AP3B1: variants seen among roughly 807,000 people sequenced by gnomAD.
AP3B1 encodes the protein AP-3 complex subunit beta-1.
In AP3B1, 61 loss-of-function variants were observed where a neutral mutation model predicts 132.5. That is an observed-to-expected ratio of 0.46 (90% CI 0.37 to 0.57). AP3B1 has a LOEUF of 0.57. Among genes scored for constraint, AP3B1 ranks in the 20% least tolerant of loss-of-function variants. AP3B1 has a pLI of 0.00. For missense variants in AP3B1, 1,120 were observed against 1,289.4 expected (o/e 0.87, Z 2.01); for synonymous variants, 388 against 438.3 (o/e 0.89, Z 1.43).
chr5:78,038,441 T>C (rs1187208402), intron 23 of AP3B1, among the ~76,000 whole-genome samples: 1 of 152,164 alleles, frequency 6.6e-6, no homozygotes, highest in African/African-American at 2.4e-5. Context: ...ACCCTAATGA[T>C]AGCTGATGAG....
At chr5:78,240,131 G>A (rs1389720002) in intron 3 of AP3B1, among the ~76,000 whole-genome samples, 1 of 152,108 alleles carries the variant, frequency 6.6e-6, no homozygotes, top group African/African-American at 2.4e-5. Flanking sequence ...CATGTTCCCT[G>A]GATTAGAATG....
intron 26 of AP3B1, among the ~76,000 whole-genome samples, chr5:78,013,449 C>G (rs1746705503): frequency 6.6e-6 from 1 of 152,114 alleles, no homozygotes; most frequent in South Asian, 2.1e-4. Flanking sequence ...CAAAACAAAA[C>G]TAAACTAGAT....
intron 25 of AP3B1, among the ~76,000 whole-genome samples, chr5:78,016,921 T>C (rs1222807939): frequency 2.6e-5 from 4 of 152,122 alleles, no homozygotes; most frequent in African/African-American, 9.7e-5. Context: ...ATTTAGGATT[T>C]AAACCTTCTC....
At chr5:78,189,833 G>A (rs968360255) in intron 7 of AP3B1, among the ~76,000 whole-genome samples, 2 of 149,506 alleles carry the variant, frequency 1.3e-5, no homozygotes. Context: ...TCACGCCACT[G>A]CACTCCAGAC....
chr5:78,140,657 T>G (rs567691790), intron 15 of AP3B1, among the ~76,000 whole-genome samples: 2 of 152,302 alleles, frequency 1.3e-5, no homozygotes, highest in South Asian at 4.1e-4. Flanking sequence ...ATCACATGGG[T>G]GATCAGGTTT....
At chr5:78,186,588 A>G (rs1744615887) in intron 7 of AP3B1, among the ~76,000 whole-genome samples, 2 of 152,196 alleles carry the variant, frequency 1.3e-5, no homozygotes, top group African/African-American at 4.8e-5. Context: ...CATTGGGGAA[A>G]ATTGAGTAAA....
intron 26 of AP3B1, among the ~76,000 whole-genome samples, chr5:78,012,079 A>G (rs924333067): frequency 7.9e-5 from 12 of 152,122 alleles, no homozygotes; most frequent in African/African-American, 2.9e-4. Flanking sequence ...TACTCTTTAT[A>G]AACTCAAAAA....
At chr5:78,106,079 G>A (rs1751320281) in intron 20 of AP3B1, among the ~76,000 whole-genome samples, 1 of 152,130 alleles carries the variant, frequency 6.6e-6, no homozygotes, top group South Asian at 2.1e-4. Context: ...TGTAGTAAAT[G>A]ATGCAAAAAG....
chr5:78,246,458 G>T (rs1561196725), intron 2 of AP3B1, among the ~76,000 whole-genome samples: 1 of 152,090 alleles, frequency 6.6e-6, no homozygotes, highest in Non-Finnish European at 1.5e-5. Flanking sequence ...CTATATTCTG[G>T]AAGAGCTTAT....
chr5:78,233,136 G>A (rs1201194571), intron 3 of AP3B1, among the ~76,000 whole-genome samples: 1 of 151,876 alleles, frequency 6.6e-6, no homozygotes, highest in African/African-American at 2.4e-5. Context: ...TATATTTATA[G>A]TATTTTTTCT....
At chr5:78,180,931 G>A (rs1363682577) in intron 8 of AP3B1, among the ~76,000 whole-genome samples, 3 of 151,844 alleles carry the variant, frequency 2.0e-5, no homozygotes, top group South Asian at 2.1e-4. Context: ...ACAAAAAGGT[G>A]TCGAACAAAC....
In AP3B1 at chr5:78,141,250, G is replaced by A; in HGVS notation, c.1543C>T (p.Pro515Ser). ...ENCERVPKIAPDVLRKMAKSF... is the reference protein window; with the variant it reads ...ENCERVPKIASDVLRKMAKSF... ...TTAGCCATCTTCCTCAAAACATCAG[G>A]GGCAATTTTAGGAACTCGTTCACAG... The change falls in exon 15 of 27, where the codon CCT (proline) becomes TCT (serine). Residue 515 changes from proline to serine, a missense_variant. Physicochemically the swap from Pro to Ser is moderately conservative, Grantham distance 74 (BLOSUM62 -1). Coordinates refer to ENST00000255194, the MANE Select transcript of AP3B1 (RefSeq NM_003664.5). 6.2e-7 allele frequency: 1 copy of A among 1,613,454 alleles called. No individual in the cohort carries two copies. Among genetic ancestry groups the A allele is most frequent in the Non-Finnish European group, 8.5e-7 (1 of 1,179,688 alleles).
At chr5:78,153,417 C>CT (rs151309501) in intron 14 of AP3B1, among the ~76,000 whole-genome samples, 5,275 of 147,378 alleles carry the variant, frequency 0.036, 293 homozygotes, top group African/African-American at 0.12. Context: ...TTTTCCATCC[C>CT]TTTTTTTTTT....
chr5:78,100,994 G>T lies in AP3B1; in HGVS notation c.2429C>A (p.Thr810Asn). Residue 810 changes from threonine (T) to asparagine (N), a missense_variant, in exon 21 of 27, where the codon ACT becomes AAT. This residue lies in a region of AP3B1 where 906 missense variants were observed against 997.1 expected (regional missense o/e 0.91). Coordinates refer to ENST00000255194, the MANE Select transcript of AP3B1 (RefSeq NM_003664.5). ...EKEKKTKQDRTPLTKDVSLLD... is the reference protein window; with the variant it reads ...EKEKKTKQDRNPLTKDVSLLD... ...AAGTGAAACATCTTTGGTAAGAGGA[G>T]TTCTATCTTGCTTTGTTTTCTTTTC... 1 of 1,550,840 alleles carries T rather than the reference G, an allele frequency of 6.4e-7. No individual in the cohort carries two copies. The highest frequency in any genetic ancestry group is 8.9e-7 in the Non-Finnish European group (1 of 1,126,404).
intron 21 of AP3B1, among the ~76,000 whole-genome samples, chr5:78,090,894 G>A (rs1750480472): frequency 6.6e-6 from 1 of 151,850 alleles, no homozygotes; most frequent in African/African-American, 2.4e-5. Context: ...CTGGGCCCAA[G>A]CAATCTCAGC....
intron 22 of AP3B1, among the ~76,000 whole-genome samples, chr5:78,051,076 G>T (rs183243541): frequency 6.6e-6 from 1 of 152,132 alleles, no homozygotes; most frequent in Non-Finnish European, 1.5e-5. Flanking sequence ...GGAAATCTAT[G>T]TGACTCATGA....
intron 25 of AP3B1, among the ~76,000 whole-genome samples, chr5:78,018,310 CT>C (rs1231825914): frequency 1.3e-5 from 2 of 151,808 alleles, no homozygotes; most frequent in African/African-American, 4.8e-5. Flanking sequence ...ACCACTTTGA[CT>C]ACCAATCTTA....
At chr5:78,271,999 G>C (rs1479554484) in intron 1 of AP3B1, among the ~76,000 whole-genome samples, 1 of 152,154 alleles carries the variant, frequency 6.6e-6, no homozygotes, top group Non-Finnish European at 1.5e-5. Flanking sequence ...TGAGAGTCCA[G>C]CACTTTTAAA....
intron 1 of AP3B1, among the ~76,000 whole-genome samples, chr5:78,274,204 CA>C (rs1748676623): frequency 6.6e-6 from 1 of 151,390 alleles, no homozygotes; most frequent in African/African-American, 2.4e-5. Context: ...CCATACAAAA[CA>C]ACCAAATGGA....
Sources: allele counts gnomAD v4.1 joint callset (sites outside exome capture counted in the v4.1 genomes callset), GRCh38; gene constraint gnomAD v4.1.1; regional missense constraint gnomAD v4.1.1; transcripts MANE v1.5; gene names NCBI Gene and HGNC (gene_info 2026-07-23, HGNC 2026-07-21).